Variants in KIAA1671 observed in about 807,000 individuals in gnomAD.
KIAA1671 encodes the protein uncharacterized protein KIAA1671.
In KIAA1671, 52 loss-of-function variants were observed where a neutral mutation model predicts 131.2. That is an observed-to-expected ratio of 0.40 (90% CI 0.32 to 0.50). KIAA1671 has a LOEUF of 0.50. Among genes scored for constraint, KIAA1671 ranks in the 20% least tolerant of loss-of-function variants. KIAA1671 has a pLI of 0.73. For missense variants in KIAA1671, 2,360 were observed against 2,364.2 expected, an observed-to-expected ratio of 1.00 and a Z score of 0.04; for synonymous variants, 1,003 against 961.6, an observed-to-expected ratio of 1.04 and a Z score of -0.80.
At chr22:25,074,411 A>G (rs1400060413) in intron 6 of KIAA1671, among the ~76,000 whole-genome samples, 1 of 147,320 alleles carries the variant, frequency 6.8e-6, no homozygotes, top group African/African-American at 2.5e-5. Context: ...AGGCTGAGGC[A>G]GGAGAATTGC....
chr22:25,009,402 T>A (rs1443073161), intron 1 of KIAA1671, among the ~76,000 whole-genome samples: 1 of 146,030 alleles, frequency 6.8e-6, no homozygotes, highest in African/African-American at 2.5e-5. Flanking sequence ...GTAGCTGGGA[T>A]TACAGGTGCC....
chr22:25,088,973 C>T (rs190945598), intron 6 of KIAA1671, among the ~76,000 whole-genome samples: 48 of 152,312 alleles, frequency 3.2e-4, no homozygotes, highest in African/African-American at 1.2e-3. Context: ...AGATCAAAAA[C>T]ATTCGAAGAA....
intron 4 of KIAA1671, among the ~76,000 whole-genome samples, chr22:25,034,351 G>A (rs1926473260): frequency 6.6e-6 from 1 of 151,982 alleles, no homozygotes; most frequent in African/African-American, 2.4e-5. Flanking sequence ...CGGCCACGAC[G>A]TTGTAATCTC....
intron 1 of KIAA1671, among the ~76,000 whole-genome samples, chr22:24,979,118 C>T (rs936352933): frequency 2.6e-5 from 4 of 151,308 alleles, no homozygotes; most frequent in African/African-American, 9.7e-5. Context: ...GCCCCAGCCT[C>T]CTGAGTAGCT....
rs75562686 is a variant in KIAA1671, at chr22:25,090,005, C to T, written c.4530+40641C>T. 3.7e-3 allele frequency among the ~76,000 whole-genome samples: 568 copies of T among 152,260 alleles called. 1 individual carries two copies. The highest frequency in any genetic ancestry group is 0.012 in the African/African-American group (479 of 41,556). Reference sequence around the variant, plus strand: ...GCTAGAAGCTGAGAAGAGGGTGGTGCGCTGTCAGACATAAACCAGGTCTGC... The same window carrying T: ...GCTAGAAGCTGAGAAGAGGGTGGTGTGCTGTCAGACATAAACCAGGTCTGC... On this transcript the variant is annotated intron_variant, in intron 6 of 12. Coordinates refer to ENST00000358431, the MANE Select transcript of KIAA1671 (RefSeq NM_001145206.2).
rs146755015 is a variant in KIAA1671 at position 25,193,929 on chromosome 22, G to A, written c.*1528G>A. 1.3e-3 allele frequency: 202 copies of A among 152,324 alleles called. No individual in the cohort carries two copies. The highest frequency in any genetic ancestry group is 4.7e-3 in the African/African-American group (197 of 41,566). The allele number at this position is 152,324 out of a possible 1,614,324, so 9.4% of individuals were successfully genotyped here. A position where few individuals can be genotyped will look rare whatever the true frequency, so the allele number is the denominator to read the frequency against. ...TGTTTTCTCTTCATTCCCTGAATTAGTCATCAGTTCTCCGTGGCCATTTGG... is the reference window on the plus strand; with the variant it reads ...TGTTTTCTCTTCATTCCCTGAATTAATCATCAGTTCTCCGTGGCCATTTGG... On this transcript the variant is annotated 3_prime_UTR_variant, in exon 13 of 13. Coordinates refer to ENST00000358431, the MANE Select transcript of KIAA1671 (RefSeq NM_001145206.2).
chr22:25,067,280 C>T (rs545148644), intron 6 of KIAA1671, among the ~76,000 whole-genome samples: 86 of 141,680 alleles, frequency 6.1e-4, no homozygotes, highest in South Asian at 1.2e-3. Context: ...GACCTTTGAA[C>T]GTCTCTTTTT....
chr22:25,019,717 C>G (rs1286074046), intron 1 of KIAA1671, among the ~76,000 whole-genome samples: 1 of 151,400 alleles, frequency 6.6e-6, no homozygotes, highest in East Asian at 1.9e-4. Context: ...CTTCCCCTAC[C>G]AATTATCCTA....
chr22:25,047,150 TC>T (rs1166271078), intron 5 of KIAA1671, among the ~76,000 whole-genome samples: 1,664 of 100,714 alleles, frequency 0.017, 6 homozygotes, highest in Non-Finnish European at 0.022. Context: ...TTTTTTCTTT[TC>T]TTTTTTTTTT....
At chr22:25,066,967 G>A (rs1928508203) in intron 6 of KIAA1671, among the ~76,000 whole-genome samples, 4 of 152,208 alleles carry the variant, frequency 2.6e-5, no homozygotes, top group Non-Finnish European at 2.9e-5. Context: ...GCCCCTGGGG[G>A]CGGGAAGAGA....
chr22:25,003,977 G>T (rs998345202), intron 1 of KIAA1671, among the ~76,000 whole-genome samples: 1 of 149,524 alleles, frequency 6.7e-6, no homozygotes, highest in Non-Finnish European at 1.5e-5. Flanking sequence ...GCCACCACAC[G>T]CAGCTAATTT....
intron 10 of KIAA1671, among the ~76,000 whole-genome samples, chr22:25,182,762 G>A (rs779526005): frequency 8.5e-5 from 13 of 152,182 alleles, no homozygotes; most frequent in African/African-American, 2.7e-4. Flanking sequence ...AACTGGTGAC[G>A]CTCACCAGTG....
chr22:25,064,128 A>T (rs1049902357), intron 6 of KIAA1671: 2 of 152,240 alleles, frequency 1.3e-5, no homozygotes, highest in Non-Finnish European at 2.9e-5. Context: ...CAGAGGCGCA[A>T]TCTCGGCTCA....
Position 25,027,962 on chromosome 22 carries a change from T to C in KIAA1671, c.-38T>C, listed in dbSNP as rs565603283. 130 of 1,404,942 alleles carry C rather than the reference T, an allele frequency of 9.3e-5. 2 individuals carry two copies. In the South Asian group the frequency reaches 1.8e-3, roughly 20 times the overall value. 87.0% of individuals were successfully genotyped at this position (1,404,942 alleles called of 1,614,324 possible). A position where few individuals can be genotyped will look rare whatever the true frequency, so the allele number is the denominator to read the frequency against. ...TTGTTTAGCAATTGCTTCTCCATTC[T>C]TGAAGTTCCTAACCCCCATGAATCC... On this transcript the variant is annotated 5_prime_UTR_variant, in exon 3 of 13. Coordinates refer to ENST00000358431, the MANE Select transcript of KIAA1671 (RefSeq NM_001145206.2).
intron 6 of KIAA1671, among the ~76,000 whole-genome samples, chr22:25,150,822 T>G (rs1369951920): frequency 6.6e-6 from 1 of 151,030 alleles, no homozygotes. Context: ...TATGACTGTG[T>G]TCTGGGTCCT....
At chr22:25,114,993 A>G (rs1931581110) in intron 6 of KIAA1671, among the ~76,000 whole-genome samples, 1 of 152,174 alleles carries the variant, frequency 6.6e-6, no homozygotes, top group South Asian at 2.1e-4. Flanking sequence ...AGAAGAATCT[A>G]TTGCGGGCAC....
chr22:25,028,774 G>A lies in KIAA1671; in HGVS notation c.775G>A (p.Gly259Ser), dbSNP rs1191243812. ...CATTCAGCCTCAGAAGCCAGGCCCCGGCGCAGCGGCCACAGTGGGCAAAGT... is the reference window on the plus strand; with the variant it reads ...CATTCAGCCTCAGAAGCCAGGCCCCAGCGCAGCGGCCACAGTGGGCAAAGT... ...ESIQPQKPGP[G>S]AAATVGKVPP... Residue 259 changes from glycine to serine, a missense_variant, in exon 3 of 13, where the codon GGC becomes AGC. Around this residue, in one of 3 missense-constraint regions of KIAA1671, gnomAD observed 1,185 missense variants for 1,126.2 expected, o/e 1.05. Coordinates refer to ENST00000358431, the MANE Select transcript of KIAA1671 (RefSeq NM_001145206.2). The A allele has an allele frequency of 3.2e-6, 5 of 1,551,266 alleles. No homozygotes were observed. Among genetic ancestry groups the A allele is most frequent in the South Asian group, 1.2e-5 (1 of 84,056 alleles).
intron 1 of KIAA1671, among the ~76,000 whole-genome samples, chr22:24,966,164 C>T (rs1470151123): frequency 6.6e-6 from 1 of 152,192 alleles, no homozygotes; most frequent in African/African-American, 2.4e-5. Context: ...TCACAGGCCC[C>T]AGGTCAGGGC....
chr22:25,139,353 G>C (rs1018815577), intron 6 of KIAA1671, among the ~76,000 whole-genome samples: 6 of 152,326 alleles, frequency 3.9e-5, no homozygotes, highest in Admixed American at 1.3e-4. Context: ...TTACAGAGGA[G>C]GCCTCAGGAA....
Sources: allele counts gnomAD v4.1 joint callset (sites outside exome capture counted in the v4.1 genomes callset), GRCh38; gene constraint gnomAD v4.1.1; regional missense constraint gnomAD v4.1.1; transcripts MANE v1.5; gene names NCBI Gene and HGNC (gene_info 2026-07-23, HGNC 2026-07-21).